The following SLITRK4 variants were observed in gnomAD, a reference collection of about 807,000 sequenced individuals.
SLITRK4 encodes SLIT and NTRK like family member 4, also known as SLIT and NTRK-like protein 4.
SLITRK4 carries 7 observed loss-of-function variants against 34.7 expected under a neutral mutation model. The ratio of observed to expected loss-of-function variants is 0.20; its 90% confidence interval spans 0.11 to 0.38. SLITRK4 has a LOEUF of 0.38. SLITRK4 is among the 10% of genes least tolerant of loss of function. SLITRK4 has a pLI of 1.00. For missense variants in SLITRK4, 474 were observed against 607.0 expected, an observed-to-expected ratio of 0.78 and a Z score of 2.30; for synonymous variants, 237 against 246.2, an observed-to-expected ratio of 0.96 and a Z score of 0.35.
At position 143,629,134 on chromosome X, in the gene SLITRK4, G is replaced by T; in HGVS notation, c.1975C>A (p.Pro659Thr). The T allele has an allele frequency of 2.5e-6, 3 of 1,211,894 alleles. No homozygotes were observed. Among genetic ancestry groups the T allele is most frequent in the Non-Finnish European group, 3.3e-6 (3 of 895,617 alleles). ...TGCAGCTGCATGGAGCCACAGTCAG[G>T]ATTCCCCAGGCCTTCGTGCTTCACT... is the stretch of plus-strand genomic sequence containing the variant. Reference protein sequence around the residue: ...PTVKHEGLGNPDCGSMQLQLR... With the variant: ...PTVKHEGLGNTDCGSMQLQLR... Residue 659 changes from proline to threonine, a missense_variant, in exon 2 of 2, where the codon CCT (proline) becomes ACT (threonine). Physicochemically the swap from Pro to Thr is conservative, Grantham distance 38. This residue lies in a region of SLITRK4 where 345 missense variants were observed against 406.5 expected (regional missense o/e 0.85). Coordinates refer to ENST00000356928, the MANE Select transcript of SLITRK4 (RefSeq NM_001184749.3).
intron 1 of SLITRK4, among the ~76,000 whole-genome samples, chrX:143,631,533 G>T (rs1271218493): frequency 1.8e-5 from 2 of 109,655 alleles, no homozygotes; most frequent in Non-Finnish European, 3.8e-5. Flanking sequence ...CATCAAGTAT[G>T]CCATCGAGTT....
At chrX:143,631,376 G>A (rs1556428587) in intron 1 of SLITRK4, among the ~76,000 whole-genome samples, 2 of 111,141 alleles carry the variant, frequency 1.8e-5, no homozygotes, top group African/African-American at 6.6e-5. Flanking sequence ...ATTCACATGT[G>A]CAGAACACAC....
chrX:143,625,284 T>A lies in SLITRK4; in HGVS notation c.*3311A>T, dbSNP rs192387922. 4 of 111,829 alleles carry A rather than the reference T, an allele frequency of 3.6e-5. No homozygotes were observed. In the Admixed American group the frequency reaches 3.8e-4, roughly 11 times the overall value. 9.2% of individuals were successfully genotyped at this position (111,829 alleles called of 1,213,427 possible). A position where few individuals can be genotyped will look rare whatever the true frequency, so the allele number is the denominator to read the frequency against. ...TCAGAATGAAAAACTAAATATAGAA[T>A]ATAAATTGCCTTATAGACTTGAATC... is the stretch of plus-strand genomic sequence containing the variant. On this transcript the variant is annotated 3_prime_UTR_variant, in exon 2 of 2. Transcript: ENST00000356928.
In SLITRK4 at chrX:143,630,022, C is replaced by T; in HGVS notation, c.1087G>A (p.Glu363Lys). ...TCAGACATAGACTGTATATTTTTCT[C>T]TTGGCAGTTCACACTTAGTCCCAAA... ...SDLGLSVNCQ[E>K]KNIQSMSELI... Residue 363 changes from glutamate to lysine, a missense_variant, in exon 2 of 2, where the codon GAG becomes AAG. By Grantham distance (56) the Glu-to-Lys change is moderately conservative. Around this residue, in one of 3 missense-constraint regions of SLITRK4, gnomAD observed 345 missense variants for 406.5 expected, o/e 0.85. Transcript: ENST00000356928. 8.3e-7 allele frequency: 1 copy of T among 1,211,680 alleles called. No individual in the cohort carries two copies. Among genetic ancestry groups the T allele is most frequent in the Non-Finnish European group, 1.1e-6 (1 of 895,525 alleles).
Position 143,630,366 on chromosome X carries a change from A to G in SLITRK4, c.743T>C (p.Leu248Ser), listed in dbSNP as rs1556427775. The G allele has an allele frequency of 8.3e-7, 1 of 1,211,328 alleles. No homozygotes were observed. Among genetic ancestry groups the G allele is most frequent in the Admixed American group, 2.2e-5 (1 of 45,953 alleles). The change falls in exon 2 of 2, where the codon TTA (leucine) becomes TCA (serine). Residue 248 changes from leucine to serine, a missense_variant. By Grantham distance (145) the Leu-to-Ser change is moderately radical. Around this residue, in one of 3 missense-constraint regions of SLITRK4, gnomAD observed 45 missense variants for 99.2 expected, o/e 0.45. Coordinates refer to ENST00000356928, the MANE Select transcript of SLITRK4 (RefSeq NM_001184749.3). ...GEAICETPSD[L>S]YGRLLKETNK... ...GGTTTCTTTTAAAAGCCTTCCATATAAGTCACTGGGAGTTTCACAGATAGC... is the reference window on the plus strand; with the variant it reads ...GGTTTCTTTTAAAAGCCTTCCATATGAGTCACTGGGAGTTTCACAGATAGC...
At chrX:143,631,599 T>C (rs1323733067) in intron 1 of SLITRK4, among the ~76,000 whole-genome samples, 1 of 109,053 alleles carries the variant, frequency 9.2e-6, no homozygotes, top group African/African-American at 3.3e-5. Context: ...TTCAGCTAGA[T>C]AGAGAGGCTG....
intron 1 of SLITRK4, among the ~76,000 whole-genome samples, chrX:143,633,086 C>T (rs931026872): frequency 1.3e-4 from 14 of 110,646 alleles, no homozygotes; most frequent in Non-Finnish European, 2.6e-4. Flanking sequence ...GCATAAGGAG[C>T]TGCCCTCCTC....
intron 1 of SLITRK4, among the ~76,000 whole-genome samples, chrX:143,633,830 A>ACCGCAATGTTTTG (rs1931131803): frequency 9.0e-6 from 1 of 111,028 alleles, no homozygotes; most frequent in Non-Finnish European, 1.9e-5. Flanking sequence ...AGGGGCTGCT[A>ACCGCAATGTTTTG]GCGCGTACCG....
chrX:143,629,608 G>A lies in SLITRK4; in HGVS notation c.1501C>T (p.Leu501=), dbSNP rs1930946713. 1 of 1,209,555 alleles carries A rather than the reference G, an allele frequency of 8.3e-7. No individual in the cohort carries two copies. Among genetic ancestry groups the A allele is most frequent in the Non-Finnish European group, 1.1e-6 (1 of 895,219 alleles). The change falls in exon 2 of 2, where the codon CTG becomes TTG. Residue 501 remains leucine (L), a synonymous_variant. Transcript: ENST00000356928. The part of the protein sequence containing the change: ...YIFSGAPLAR[L]NLRNNKFMYL... Reference sequence around the variant, plus strand: ...ATGAATTTGTTGTTCCTCAGGTTCAGTCTAGCTAAGGGTGCTCCGGAAAAG... The same window carrying A: ...ATGAATTTGTTGTTCCTCAGGTTCAATCTAGCTAAGGGTGCTCCGGAAAAG...
chrX:143,631,166 AT>A lies in SLITRK4; in HGVS notation c.-50-9del. On this transcript the variant is annotated splice_polypyrimidine_tract_variant and intron_variant, in intron 1 of 1. Transcript: ENST00000356928. ...TGAATAAAGAGAAATAATCTAAAAA[AT>A]AAAAAGAAAACATTTTTTCAATGGT... 1.0e-6 allele frequency: 1 copy of A among 971,807 alleles called. No homozygotes were observed. The highest frequency in any genetic ancestry group is 1.4e-6 in the Non-Finnish European group (1 of 731,152). 80.1% of individuals were successfully genotyped at this position (971,807 alleles called of 1,213,427 possible). A position where few individuals can be genotyped will look rare whatever the true frequency, so the allele number is the denominator to read the frequency against.
In SLITRK4 at chrX:143,635,970, A is replaced by T. The variant is rs782195197; in HGVS notation, c.-286T>A. Among the ~76,000 whole-genome samples the T allele has an allele frequency of 6.5e-5, 7 of 108,240 alleles. No homozygotes were observed. The highest frequency in any genetic ancestry group is 2.4e-4 in the African/African-American group (7 of 29,757). The allele number at this position is 108,240 out of a possible 115,157, so 94.0% of individuals were successfully genotyped here. A position where few individuals can be genotyped will look rare whatever the true frequency, so the allele number is the denominator to read the frequency against. On this transcript the variant is annotated 5_prime_UTR_variant, in exon 1 of 2. Coordinates refer to ENST00000356928, the MANE Select transcript of SLITRK4 (RefSeq NM_001184749.3). ...GAGACGGGTTAATTATCCGCACCTT[A>T]GAACTCCGTGGGCCTTTGGTGCAGA...
In SLITRK4 at chrX:143,623,076, C is replaced by T. The variant is rs1232112718; in HGVS notation, c.*5519G>A. The T allele has an allele frequency of 9.0e-6, 1 of 110,812 alleles. No individual in the cohort carries two copies. The highest frequency in any genetic ancestry group is 1.9e-5 in the Non-Finnish European group (1 of 52,801). The allele number at this position is 110,812 out of a possible 1,213,427, so 9.1% of individuals were successfully genotyped here. A position where few individuals can be genotyped will look rare whatever the true frequency, so the allele number is the denominator to read the frequency against. On this transcript the variant is annotated 3_prime_UTR_variant, in exon 2 of 2. Coordinates refer to ENST00000356928, the MANE Select transcript of SLITRK4 (RefSeq NM_001184749.3). ...TATATTGTTCAGAAACTTGAAAAGA[C>T]TATTTCCTTCCTATAGCTAATTTAA...
chrX:143,628,853 G>A lies in SLITRK4; in HGVS notation c.2256C>T (p.Ser752=), dbSNP rs782353906. ...TIDELDELFP[S]RDSNVFIQNF... is the part of the protein sequence containing the mutation. ...TCTGAATAAACACATTGGAATCCCTGCTAGGGAATAATTCATCCAGCTCAT... is the reference window on the plus strand; with the variant it reads ...TCTGAATAAACACATTGGAATCCCTACTAGGGAATAATTCATCCAGCTCAT... The change falls in exon 2 of 2, where the codon AGC becomes AGT. Residue 752 remains serine (S), a synonymous_variant. Transcript: ENST00000356928. 13 of 1,208,418 alleles carry A rather than the reference G, an allele frequency of 1.1e-5. No homozygotes were observed. The highest frequency in any genetic ancestry group is 2.3e-4 in the Middle Eastern group (1 of 4,372).
Position 143,626,312 on chromosome X carries a change from A to G in SLITRK4, c.*2283T>C, listed in dbSNP as rs1018623268. On this transcript the variant is annotated 3_prime_UTR_variant, in exon 2 of 2. Coordinates refer to ENST00000356928, the MANE Select transcript of SLITRK4 (RefSeq NM_001184749.3). ...AGATGAAAAAAGCTGTTGGGCACAC[A>G]TCTTGTCTTTTCTTTCAAGATCAGA... 1 of 111,372 alleles carries G rather than the reference A, an allele frequency of 9.0e-6. No homozygotes were observed. Among genetic ancestry groups the G allele is most frequent in the Non-Finnish European group, 1.9e-5 (1 of 52,816 alleles). The allele number at this position is 111,372 out of a possible 1,213,427, so 9.2% of individuals were successfully genotyped here.
In SLITRK4 at chrX:143,623,251, A is replaced by G. The variant is rs1556424934; in HGVS notation, c.*5344T>C. On this transcript the variant is annotated 3_prime_UTR_variant, in exon 2 of 2. Coordinates refer to ENST00000356928, the MANE Select transcript of SLITRK4 (RefSeq NM_001184749.3). ...TATTTCTATTTAGGCAGTGTCTACAAAAGTAAACTGAAGTGGAGGGTTGAG... is the reference window on the plus strand; with the variant it reads ...TATTTCTATTTAGGCAGTGTCTACAGAAGTAAACTGAAGTGGAGGGTTGAG... 9.0e-6 allele frequency: 1 copy of G among 110,921 alleles called. No homozygotes were observed. 9.1% of individuals were successfully genotyped at this position (110,921 alleles called of 1,213,427 possible).
At position 143,632,902 on chromosome X, in the gene SLITRK4, A is replaced by C. The variant is rs377604149; in HGVS notation, c.-50-1744T>G. 5.9e-4 allele frequency among the ~76,000 whole-genome samples: 66 copies of C among 111,431 alleles called. No individual in the cohort carries two copies. In the South Asian group the frequency reaches 0.022, roughly 38 times the overall value. On this transcript the variant is annotated intron_variant, in intron 1 of 1. Coordinates refer to ENST00000356928, the MANE Select transcript of SLITRK4 (RefSeq NM_001184749.3). The stretch of plus-strand genomic sequence containing the variant: ...CCTTGTTATGAATGTGGTTTTCAAC[A>C]GCTATTTTGGTTCAGTTGAGTCATT...
In SLITRK4 at chrX:143,623,865, C is replaced by A. The variant is rs1487276953; in HGVS notation, c.*4730G>T. 1 of 111,208 alleles carries A rather than the reference C, an allele frequency of 9.0e-6. No individual in the cohort carries two copies. The highest frequency in any genetic ancestry group is 3.3e-5 in the African/African-American group (1 of 30,654). 9.2% of individuals were successfully genotyped at this position (111,208 alleles called of 1,213,427 possible). A position where few individuals can be genotyped will look rare whatever the true frequency, so the allele number is the denominator to read the frequency against. ...AATGATGCCAAACCTTGATTTGATG[C>A]CACTTGTCTACATAACAGAAGTGGC... On this transcript the variant is annotated 3_prime_UTR_variant, in exon 2 of 2. Transcript: ENST00000356928.
chrX:143,623,881 C>T lies in SLITRK4; in HGVS notation c.*4714G>A, dbSNP rs1556425009. On this transcript the variant is annotated 3_prime_UTR_variant, in exon 2 of 2. Transcript: ENST00000356928. ...GATTTGATGCCACTTGTCTACATAA[C>T]AGAAGTGGCTGGAACCCAAAGCTCT... is the stretch of plus-strand genomic sequence containing the variant. 1 of 111,383 alleles carries T rather than the reference C, an allele frequency of 9.0e-6. No individual in the cohort carries two copies. The highest frequency in any genetic ancestry group is 1.9e-5 in the Non-Finnish European group (1 of 52,892). The allele number at this position is 111,383 out of a possible 1,213,427, so 9.2% of individuals were successfully genotyped here. A position where few individuals can be genotyped will look rare whatever the true frequency, so the allele number is the denominator to read the frequency against.
Position 143,630,538 on chromosome X carries a change from G to T in SLITRK4, c.571C>A (p.Gln191Lys), listed in dbSNP as rs782176364. The change falls in exon 2 of 2, where the codon CAG becomes AAG. Residue 191 changes from glutamine to lysine, a missense_variant. Gln to Lys is a moderately conservative substitution (Grantham distance 53). This residue lies in a region of SLITRK4 where 45 missense variants were observed against 99.2 expected (regional missense o/e 0.45). Coordinates refer to ENST00000356928, the MANE Select transcript of SLITRK4 (RefSeq NM_001184749.3). Reference protein sequence around the residue: ...THLDIRGNRIQKLPYIGVLEH... With the variant: ...THLDIRGNRIKKLPYIGVLEH... ...AGAACCCCGATATAAGGGAGCTTCT[G>T]GATTCTGTTCCCTCGTATATCCAGA... 1 of 1,211,518 alleles carries T rather than the reference G, an allele frequency of 8.3e-7. No individual in the cohort carries two copies. The highest frequency in any genetic ancestry group is 1.8e-5 in the South Asian group (1 of 56,898).
Sources: gnomAD v4.1 joint callset for allele counts (sites outside exome capture counted in the v4.1 genomes callset) on GRCh38, gnomAD v4.1.1 for gene constraint, gnomAD v4.1.1 regional missense constraint, MANE v1.5 for transcripts, NCBI Gene and HGNC (gene_info 2026-07-23, HGNC 2026-07-21) for gene names.